ZNF536: variants seen among roughly 807,000 people sequenced by gnomAD.
ZNF536 encodes zinc finger protein 536.
In ZNF536, 13 loss-of-function variants were observed where a neutral mutation model predicts 84.5. The ratio of observed to expected loss-of-function variants is 0.15; its 90% CI spans 0.10 to 0.24. The LOEUF (loss-of-function observed/expected upper bound fraction) is 0.24, where lower values mean the gene tolerates loss of function less well. ZNF536 is among the 10% of genes least tolerant of loss of function. The probability of loss-of-function intolerance (pLI) is 1.00; values close to 1 mark genes in which losing one functional copy is unlikely to be tolerated. For missense variants in ZNF536, 1,536 were observed against 1,747.5 expected, an observed-to-expected ratio of 0.88 and a Z score of 2.16; for synonymous variants, 811 against 742.5, an observed-to-expected ratio of 1.09 and a Z score of -1.50.
rs1394386550 is a variant in ZNF536 at position 30,462,901 on chromosome 19, G to A, written c.2170+17169G>A. ...TATCCATATGTATTTGTCTGTGTTG[G>A]CATGGGATGGGTGTGTGTTGTGTGG... On this transcript the variant is annotated intron_variant, in intron 2 of 4. Transcript: ENST00000355537. 4.1e-5 allele frequency among the ~76,000 whole-genome samples: 6 copies of A among 145,620 alleles called. 1 individual carries two copies. Among genetic ancestry groups the A allele is most frequent in the Non-Finnish European group, 7.6e-5 (5 of 65,482 alleles).
At chr19:30,416,289 ATTTT>A (rs200146840) in intron 1 of ZNF536, among the ~76,000 whole-genome samples, 4,798 of 132,496 alleles carry the variant, frequency 0.036, 104 homozygotes, top group Non-Finnish European at 0.046. Flanking sequence ...TGTCCTCTGA[ATTTT>A]TTTTTTTTTT....
intron 2 of ZNF536, among the ~76,000 whole-genome samples, chr19:30,303,334 G>A (rs1460894309): frequency 6.6e-6 from 1 of 152,212 alleles, no homozygotes; most frequent in Admixed American, 6.5e-5. Flanking sequence ...CAGGCTCTAT[G>A]TGATGGCGAG....
chr19:30,253,573 T>G (rs1027797685), intron 1 of ZNF536, among the ~76,000 whole-genome samples: 2 of 152,148 alleles, frequency 1.3e-5, no homozygotes. Flanking sequence ...TTTTGATTTG[T>G]TTTTCCCAGC....
At chr19:30,682,868 G>A (rs1300947271) in intron 1 of ZNF536, among the ~76,000 whole-genome samples, 1 of 152,172 alleles carries the variant, frequency 6.6e-6, no homozygotes, top group Non-Finnish European at 1.5e-5. Context: ...ATGAGAAGCT[G>A]GTGACCTTCA....
upstream of ZNF536, among the ~76,000 whole-genome samples, chr19:30,371,548 G>A (rs940947950): frequency 1.4e-5 from 2 of 138,728 alleles, no homozygotes; most frequent in African/African-American, 2.7e-5. Context: ...AATGTCATTT[G>A]TCTTTTCTTG....
intron 2 of ZNF536, among the ~76,000 whole-genome samples, chr19:30,501,603 A>G (rs1482815258): frequency 6.6e-6 from 1 of 152,172 alleles, no homozygotes; most frequent in Non-Finnish European, 1.5e-5. Context: ...TGGTGAAAGT[A>G]AAGTGTTCGC....
intron 1 of ZNF536, among the ~76,000 whole-genome samples, chr19:30,582,452 T>C (rs2146687768): frequency 7.1e-6 from 1 of 141,290 alleles, no homozygotes; most frequent in Non-Finnish European, 1.5e-5. Context: ...GGTGTGATCA[T>C]AGCTCATAGC....
At position 30,491,440 on chromosome 19, in the gene ZNF536, T is replaced by C. The variant is rs1378698646; in HGVS notation, c.2171-43407T>C. ...GGGAGTTCCAGAGTCCCTCTCCAGT[T>C]ATCAGGTCGATACATGTACCTGGTA... On this transcript the variant is annotated intron_variant, in intron 2 of 4. Transcript: ENST00000355537. 3.9e-5 allele frequency among the ~76,000 whole-genome samples: 6 copies of C among 152,278 alleles called. No homozygotes were observed. In the East Asian group the frequency reaches 1.2e-3, roughly 29 times the overall value.
intron 1 of ZNF536, among the ~76,000 whole-genome samples, chr19:30,375,899 C>T (rs1002643773): frequency 1.3e-5 from 2 of 151,910 alleles, no homozygotes; most frequent in Non-Finnish European, 2.9e-5. Context: ...GTTAGGGATA[C>T]GTGTAGATGT....
intron 1 of ZNF536, among the ~76,000 whole-genome samples, chr19:30,678,429 A>G (rs1390049968): frequency 6.6e-6 from 1 of 152,146 alleles, no homozygotes; most frequent in Non-Finnish European, 1.5e-5. Context: ...GACTCTGGCC[A>G]CAGGCAGAGA....
intron 1 of ZNF536, among the ~76,000 whole-genome samples, chr19:30,585,567 C>T (rs1351917332): frequency 2.6e-5 from 4 of 152,202 alleles, no homozygotes; most frequent in Admixed American, 2.0e-4. Flanking sequence ...GTTCTCTCAT[C>T]CAGGGAAGCT....
chr19:30,568,305 G>C (rs186071397), intron 1 of ZNF536, among the ~76,000 whole-genome samples: 3 of 152,254 alleles, frequency 2.0e-5, no homozygotes, highest in African/African-American at 7.2e-5. Flanking sequence ...GGAGTTTCCG[G>C]GGGAAGAGGC....
intron 2 of ZNF536, among the ~76,000 whole-genome samples, chr19:30,301,737 T>C (rs1225142534): frequency 6.6e-6 from 1 of 152,148 alleles, no homozygotes; most frequent in Non-Finnish European, 1.5e-5. Flanking sequence ...TTTTTTATTA[T>C]GCACTCTGCA....
chr19:30,242,359 C>T (rs556383907), intron 1 of ZNF536, among the ~76,000 whole-genome samples: 3 of 152,202 alleles, frequency 2.0e-5, no homozygotes, highest in South Asian at 2.1e-4. Context: ...GCTTCCCGGT[C>T]GGCTACCCCC....
intron 1 of ZNF536, among the ~76,000 whole-genome samples, chr19:30,616,227 A>T (rs906509911): frequency 3.2e-4 from 48 of 152,186 alleles, no homozygotes; most frequent in African/African-American, 1.1e-3. Context: ...GCGCAGTAAG[A>T]GTGGTGGAAG....
At chr19:30,266,886 TAAAG>T (rs2025541686) in intron 1 of ZNF536, among the ~76,000 whole-genome samples, 1 of 152,176 alleles carries the variant, frequency 6.6e-6, no homozygotes, top group African/African-American at 2.4e-5. Flanking sequence ...TCAGAATTGA[TAAAG>T]AAGGAACTCT....
intron 2 of ZNF536, among the ~76,000 whole-genome samples, chr19:30,297,961 G>A (rs4608443): frequency 0.66 from 98,584 of 149,280 alleles, 32,680 homozygotes; most frequent in African/African-American, 0.74. Flanking sequence ...GCTCACTGCA[G>A]TCTCTGCCTC....
At chr19:30,386,845 T>A (rs993908958) in intron 1 of ZNF536, among the ~76,000 whole-genome samples, 1 of 152,254 alleles carries the variant, frequency 6.6e-6, no homozygotes, top group South Asian at 2.1e-4. Flanking sequence ...AAATTAGCCC[T>A]GCGTTTCACA....
chr19:30,526,788 CACAGTTCT>C (rs1033176071), intron 2 of ZNF536, among the ~76,000 whole-genome samples: 1 of 151,768 alleles, frequency 6.6e-6, no homozygotes, highest in Non-Finnish European at 1.5e-5. Flanking sequence ...ACATTTGGCC[CACAGTTCT>C]TGATCTTGAA....
Sources: gnomAD v4.1 joint callset for allele counts (sites outside exome capture counted in the v4.1 genomes callset) on GRCh38, gnomAD v4.1.1 for gene constraint, MANE v1.5 for transcripts, NCBI Gene and HGNC (gene_info 2026-07-23, HGNC 2026-07-21) for gene names.